Variants in SBF1 observed in about 807,000 individuals in gnomAD.
SBF1 encodes SET binding factor 1.
In SBF1, 65 loss-of-function variants were observed where a neutral mutation model predicts 215.8. The ratio of observed to expected loss-of-function variants is 0.30; its 90% CI spans 0.25 to 0.37. The LOEUF (loss-of-function observed/expected upper bound fraction) is 0.37, where lower values mean the gene tolerates loss of function less well. Ranked by LOEUF, SBF1 falls within the 10% of genes least tolerant of loss-of-function variation. SBF1 has a pLI of 1.00. For synonymous variants in SBF1, 1,410 were observed against 1,122.8 expected, an observed-to-expected ratio of 1.26 and a Z score of -5.11; for missense variants, 2,634 against 2,667.8, an observed-to-expected ratio of 0.99 and a Z score of 0.28.
rs145862488 is a variant in SBF1, at chr22:50,465,796, C to T, written c.1056G>A (p.Pro352=). The T allele has an allele frequency of 1.2e-3, 1,968 of 1,610,486 alleles. 29 individuals carry two copies. In the African/African-American group the frequency reaches 0.022, roughly 18 times the overall value. The part of the protein sequence containing the change: ...ELELADLAFP[P]PTTSTSSLKM... ...TCAGGGAGGAGGTGGATGTCGTGGG[C>T]GGAGGGAAGGCGAGGTCAGCCAACT... The change falls in exon 10 of 41, where the codon CCG becomes CCA. Residue 352 remains proline (P), a synonymous_variant. Transcript: ENST00000380817.
Position 50,460,299 on chromosome 22 carries a change from G to C in SBF1, c.3256C>G (p.Pro1086Ala). The part of the protein sequence containing the change: ...PSWEHRGQPP[P>A]EDQEDEISVS... Reference sequence around the variant, plus strand: ...GAGATCTCGTCCTCCTGGTCCTCAGGGGGCGGCTGGCCCCGGTGCTCCCAG... The same window carrying C: ...GAGATCTCGTCCTCCTGGTCCTCAGCGGGCGGCTGGCCCCGGTGCTCCCAG... Residue 1086 changes from proline (P) to alanine (A), a missense_variant, in exon 25 of 41, where the codon CCT (proline) becomes GCT (alanine). Physicochemically the swap from Pro to Ala is conservative, Grantham distance 27. Coordinates refer to ENST00000380817, the MANE Select transcript of SBF1 (RefSeq NM_002972.4). 6.2e-7 allele frequency: 1 copy of C among 1,610,190 alleles called. No individual in the cohort carries two copies. The highest frequency in any genetic ancestry group is 2.2e-5 in the East Asian group (1 of 44,780).
chr22:50,465,363 C>A (rs1361067565), intron 10 of SBF1, 35 bp from the exon 11 acceptor site: 1 of 1,525,630 alleles, frequency 6.6e-7, no homozygotes, highest in Non-Finnish European at 8.9e-7. Context: ...GAGAGCCAGT[C>A]CTGCCAATCC....
At position 50,461,214 on chromosome 22, in the gene SBF1, G is replaced by T. The variant is rs561078759; in HGVS notation, c.2912C>A (p.Thr971Asn). Residue 971 changes from threonine to asparagine, a missense_variant, in exon 23 of 41, where the codon ACC becomes AAC. Coordinates refer to ENST00000380817, the MANE Select transcript of SBF1 (RefSeq NM_002972.4). ...LTKEKRISVQ[T>N]PVDQLLQDGL... The stretch of plus-strand genomic sequence containing the variant: ...GTCCTGCAGGAGCTGGTCCACAGGG[G>T]TCTGGACGCTGATGCGCTTCTCCTT... 1 of 1,612,938 alleles carries T rather than the reference G, an allele frequency of 6.2e-7. No individual in the cohort carries two copies. The highest frequency in any genetic ancestry group is 1.1e-5 in the South Asian group (1 of 91,028).
intron 15 of SBF1, among the ~76,000 whole-genome samples, chr22:50,463,795 T>A (rs2067624732): frequency 6.6e-6 from 1 of 152,182 alleles, no homozygotes; most frequent in Non-Finnish European, 1.5e-5. Context: ...GTTTGCGTTC[T>A]ATTGCTACAA....
At chr22:50,469,573 T>C (rs2067921323) in intron 1 of SBF1, among the ~76,000 whole-genome samples, 8 of 152,052 alleles carry the variant, frequency 5.3e-5, no homozygotes. Flanking sequence ...ATGGAGCAGG[T>C]GCAGCAGGAA....
At chr22:50,450,338 T>G (rs557994609) in intron 36 of SBF1, among the ~76,000 whole-genome samples, 1 of 152,036 alleles carries the variant, frequency 6.6e-6, no homozygotes, top group Non-Finnish European at 1.5e-5. Context: ...CTGGTAAACA[T>G]GGCAAAACCC....
chr22:50,455,805 C>T (rs1245167071), intron 31 of SBF1: 7 of 593,652 alleles, frequency 1.2e-5, no homozygotes, highest in African/African-American at 7.6e-5. Flanking sequence ...CTTCCAAGCC[C>T]TCTAGGACTG....
At chr22:50,466,912 G>C in intron 5 of SBF1, 4 of 573,334 alleles carry the variant, frequency 7.0e-6, no homozygotes, top group Non-Finnish European at 1.2e-5. Flanking sequence ...CAGGACAGGA[G>C]TGGCTGCTTT....
At position 50,446,678 on chromosome 22, in the gene SBF1, G is replaced by A. The variant is rs1479196571; in HGVS notation, c.*464C>T. On this transcript the variant is annotated 3_prime_UTR_variant, in exon 41 of 41. Transcript: ENST00000380817. ...ATGCAGGCCGAGCTGGGTGGACCCA[G>A]GCACCAGGAGAGGCTCACGAGAAAG... 5 of 381,414 alleles carry A rather than the reference G, an allele frequency of 1.3e-5. No homozygotes were observed. Among genetic ancestry groups the A allele is most frequent in the South Asian group, 7.9e-5 (4 of 50,810 alleles). The allele number at this position is 381,414 out of a possible 1,614,324, so 23.6% of individuals were successfully genotyped here.
At chr22:50,470,870 C>T (rs559685510) in intron 1 of SBF1, among the ~76,000 whole-genome samples, 106 of 152,328 alleles carry the variant, frequency 7.0e-4, no homozygotes, top group Middle Eastern at 3.4e-3. Context: ...GAGGGCCCTG[C>T]AGCCCTCAGC....
At position 50,457,028 on chromosome 22, in the gene SBF1, C is replaced by T. The variant is rs749256198; in HGVS notation, c.3904+6G>A. The T allele has an allele frequency of 3.4e-5, 49 of 1,428,888 alleles. No individual in the cohort carries two copies. Among genetic ancestry groups the T allele is most frequent in the Middle Eastern group, 1.8e-4 (1 of 5,522 alleles). The allele number at this position is 1,428,888 out of a possible 1,614,324, so 88.5% of individuals were successfully genotyped here. On this transcript the variant is annotated splice_donor_region_variant and intron_variant, in intron 29 of 40. Transcript: ENST00000380817. Reference sequence around the variant, plus strand: ...GAGGCGGGCCTGCGCAGGCTCGGTACGGTACCTCGGGGTGCGGTCCGTCTG... The same window carrying T: ...GAGGCGGGCCTGCGCAGGCTCGGTATGGTACCTCGGGGTGCGGTCCGTCTG...
At chr22:50,474,745 C>T (rs1284273282) in intron 1 of SBF1, 41 bp downstream of exon 1, 1 of 1,451,360 alleles carries the variant, frequency 6.9e-7, no homozygotes, top group South Asian at 1.3e-5. Flanking sequence ...CAGCACTCGA[C>T]CCTCGGCCCC....
At chr22:50,454,044 G>C (rs934773123) in intron 36 of SBF1, among the ~76,000 whole-genome samples, 2 of 152,178 alleles carry the variant, frequency 1.3e-5, no homozygotes, top group Non-Finnish European at 2.9e-5. Context: ...AGGCCCACCA[G>C]GGATGGCACA....
At chr22:50,452,140 T>TAAAAA (rs374473892) in intron 36 of SBF1, among the ~76,000 whole-genome samples, 7 of 113,184 alleles carry the variant, frequency 6.2e-5, no homozygotes, top group Admixed American at 9.3e-5. Flanking sequence ...ACTGCTGAAT[T>TAAAAA]AAAAAAAAAA....
At chr22:50,447,638 C>G (rs759230016) in intron 38 of SBF1, 29 bp from the exon 39 acceptor site, 1 of 1,538,348 alleles carries the variant, frequency 6.5e-7, no homozygotes, top group Non-Finnish European at 8.9e-7. Context: ...CAGGGCCAGG[C>G]TGACCGTCAT....
At chr22:50,449,988 G>A (rs946643875) in intron 36 of SBF1, among the ~76,000 whole-genome samples, 2 of 152,250 alleles carry the variant, frequency 1.3e-5, no homozygotes, top group African/African-American at 4.8e-5. Flanking sequence ...CCCAGCCACA[G>A]TGCAGGGAGG....
intron 28 of SBF1, among the ~76,000 whole-genome samples, chr22:50,458,719 C>T (rs865822162): frequency 5.9e-5 from 9 of 152,130 alleles, no homozygotes; most frequent in African/African-American, 1.7e-4. Flanking sequence ...GTGTGCGTGG[C>T]GGTGGGGACA....
chr22:50,467,036 G>A lies in SBF1; in HGVS notation c.549+302C>T, dbSNP rs1469133983. ...ACAGACGGGCAGAAAGACACGGTTA[G>A]ACACTCCAACACACCCAGGCACAGG... On this transcript the variant is annotated intron_variant, in intron 5 of 40. Transcript: ENST00000380817. 6.9e-6 allele frequency: 4 copies of A among 575,966 alleles called. No homozygotes were observed. In the African/African-American group the frequency reaches 7.5e-5, roughly 11 times the overall value. 35.7% of individuals were successfully genotyped at this position (575,966 alleles called of 1,614,324 possible). A position where few individuals can be genotyped will look rare whatever the true frequency, so the allele number is the denominator to read the frequency against.
rs1417441955 is a variant in SBF1 at position 50,447,622 on chromosome 22, C to G, written c.5364-13G>C. 3 of 1,596,804 alleles carry G rather than the reference C, an allele frequency of 1.9e-6. No individual in the cohort carries two copies. The highest frequency in any genetic ancestry group is 2.6e-6 in the Non-Finnish European group (3 of 1,169,308). ...GCCCTCGTAGGACCTGCATTTCCAG[C>G]AGAACCAGGGCCAGGCTGACCGTCA... On this transcript the variant is annotated splice_polypyrimidine_tract_variant and intron_variant, in intron 38 of 40. Coordinates refer to ENST00000380817, the MANE Select transcript of SBF1 (RefSeq NM_002972.4).
Sources: allele counts gnomAD v4.1 joint callset (sites outside exome capture counted in the v4.1 genomes callset), GRCh38; gene constraint gnomAD v4.1.1; transcripts MANE v1.5; gene names NCBI Gene and HGNC (gene_info 2026-07-23, HGNC 2026-07-21).